Variants in AIG1 observed in about 807,000 individuals in gnomAD.
AIG1 encodes androgen induced 1.
AIG1 carries 23 observed loss-of-function variants against 31.4 expected under a neutral mutation model. The observed-to-expected ratio is 0.73, with a 90% confidence interval of 0.53 to 1.04. AIG1 has a LOEUF of 1.04. AIG1 is among the 50% of genes least tolerant of loss of function. The pLI, the probability that AIG1 is intolerant of heterozygous loss-of-function variation, is 0.00. For missense variants in AIG1, 274 were observed against 295.0 expected (o/e 0.93, Z 0.52); for synonymous variants, 100 against 110.5 (o/e 0.90, Z 0.60).
At chr6:143,233,316 G>A (rs1793580273) in intron 3 of AIG1, among the ~76,000 whole-genome samples, 1 of 151,988 alleles carries the variant, frequency 6.6e-6, no homozygotes, top group Non-Finnish European at 1.5e-5. Context: ...TTAAAACCAA[G>A]TCCTGAGATT....
intron 3 of AIG1, among the ~76,000 whole-genome samples, chr6:143,212,104 A>G (rs765608978): frequency 6.6e-6 from 1 of 152,118 alleles, no homozygotes; most frequent in Non-Finnish European, 1.5e-5. Context: ...TCTTCTTACC[A>G]GTAACAACCC....
At chr6:143,190,856 T>TG (rs1316297638) in intron 3 of AIG1, among the ~76,000 whole-genome samples, 1 of 152,214 alleles carries the variant, frequency 6.6e-6, no homozygotes, top group Non-Finnish European at 1.5e-5. Flanking sequence ...CTAGAGGTCT[T>TG]GACAATGCTT....
At position 143,284,018 on chromosome 6, in the gene AIG1, A is replaced by C; in HGVS notation, c.400-92A>C. 1 of 862,384 alleles carries C rather than the reference A, an allele frequency of 1.2e-6. No homozygotes were observed. The highest frequency in any genetic ancestry group is 1.8e-6 in the Non-Finnish European group (1 of 547,312). The allele number at this position is 862,384 out of a possible 1,614,324, so 53.4% of individuals were successfully genotyped here. ...TCTTTCTGCCTGACACTTTCCTAGG[A>C]ATTTATAGTGTGCATTCTCCTACTG... is the stretch of plus-strand genomic sequence containing the variant. On this transcript the variant is annotated intron_variant, in intron 3 of 5. Transcript: ENST00000357847. This position sits in a 1 kb window ranked among gnomAD's most constrained non-coding sequence, Gnocchi z 4.4.
chr6:143,093,703 A>G (rs1463770690), intron 1 of AIG1, among the ~76,000 whole-genome samples: 1 of 151,962 alleles, frequency 6.6e-6, no homozygotes, highest in East Asian at 1.9e-4. Context: ...GAGATGTGCA[A>G]CTCTTCTTTT....
In AIG1 at chr6:143,291,672, A is replaced by G. The variant is rs186750392; in HGVS notation, c.515+7447A>G. Among the ~76,000 whole-genome samples the G allele has an allele frequency of 2.9e-4, 44 of 152,304 alleles. No individual in the cohort carries two copies. In the East Asian group the frequency reaches 8.3e-3, roughly 29 times the overall value. ...AGTCCACGTCCTCCTCTTCTACTTC[A>G]GGGTCTTAGAGTGCATGGAATAAAT... is the stretch of plus-strand genomic sequence containing the variant. On this transcript the variant is annotated intron_variant, in intron 4 of 5. Transcript: ENST00000357847. This position sits in a 1 kb window ranked among gnomAD's most constrained non-coding sequence, Gnocchi z 4.2.
At position 143,291,627 on chromosome 6, in the gene AIG1, GA is replaced by G. The variant is rs774094598; in HGVS notation, c.515+7405del. ...TTCTTCCATTTCCCCCGCCAGAAAG[GA>G]AAGAGGCATCTCAGAACCAGTCCAC... On this transcript the variant is annotated intron_variant, in intron 4 of 5. Coordinates refer to ENST00000357847, the MANE Select transcript of AIG1 (RefSeq NM_016108.4). This position sits in a 1 kb window ranked among gnomAD's most constrained non-coding sequence, Gnocchi z 4.2. Among the ~76,000 whole-genome samples, 5 of 152,188 alleles carry G rather than the reference GA, an allele frequency of 3.3e-5. No homozygotes were observed. Among genetic ancestry groups the G allele is most frequent in the Non-Finnish European group, 7.3e-5 (5 of 68,032 alleles).
rs1413426568 is a variant in AIG1 at position 143,293,221 on chromosome 6, C to T, written c.515+8996C>T. On this transcript the variant is annotated intron_variant, in intron 4 of 5. Transcript: ENST00000357847. This position sits in a 1 kb window ranked among gnomAD's most constrained non-coding sequence, Gnocchi z 4.8. The stretch of plus-strand genomic sequence containing the variant: ...TTTTCTCTCTCTCTCTTCCCCGCCA[C>T]CCTTATTTTATTTTCATTTTATCCT... Among the ~76,000 whole-genome samples, 1 of 152,112 alleles carries T rather than the reference C, an allele frequency of 6.6e-6. No individual in the cohort carries two copies. Among genetic ancestry groups the T allele is most frequent in the Non-Finnish European group, 1.5e-5 (1 of 68,030 alleles).
intron 4 of AIG1, among the ~76,000 whole-genome samples, chr6:143,306,775 G>A (rs1320869484): frequency 6.6e-6 from 1 of 152,108 alleles, no homozygotes; most frequent in Non-Finnish European, 1.5e-5. Context: ...AAGTTCTCCT[G>A]GATAATATCC....
chr6:143,273,298 T>C (rs1796668039), intron 3 of AIG1, among the ~76,000 whole-genome samples: 1 of 152,228 alleles, frequency 6.6e-6, no homozygotes. Context: ...GGTTATTGTT[T>C]TTCAAGCTTC....
intron 1 of AIG1, among the ~76,000 whole-genome samples, chr6:143,119,423 T>A (rs1475758180): frequency 6.6e-6 from 1 of 152,162 alleles, no homozygotes; most frequent in African/African-American, 2.4e-5. Context: ...ACTTCTGAAT[T>A]GTGGGTAATA....
intron 2 of AIG1, among the ~76,000 whole-genome samples, chr6:143,147,520 A>G (rs1784814903): frequency 6.6e-6 from 1 of 151,890 alleles, no homozygotes. Context: ...AAGACTCCGC[A>G]CTCCCTTGGC....
intron 2 of AIG1, among the ~76,000 whole-genome samples, chr6:143,150,218 G>T (rs757362966): frequency 1.4e-4 from 21 of 152,208 alleles, no homozygotes; most frequent in Non-Finnish European, 1.9e-4. Context: ...AGCATCCTGA[G>T]CCCTATTGTT....
chr6:143,325,313 C>CAAG lies in AIG1; in HGVS notation c.516-7968_516-7967insAGA, dbSNP rs1247190632. Among the ~76,000 whole-genome samples, 1,224 of 152,280 alleles carry CAAG rather than the reference C, an allele frequency of 8.0e-3. 7 individuals are homozygous for CAAG. The highest frequency in any genetic ancestry group is 0.028 in the African/African-American group (1,176 of 41,534). On this transcript the variant is annotated intron_variant, in intron 4 of 5. Transcript: ENST00000357847. The surrounding 1 kb of genome is among the most constrained non-coding windows in gnomAD (Gnocchi z 4.3). ...GGCCCTTTCATGGGCCCACTTCCTT[C>CAAG]AGACCCTGTACTCTTCCTGGGTCTC...
At chr6:143,087,957 A>G (rs1032239779) in intron 1 of AIG1, among the ~76,000 whole-genome samples, 3 of 152,216 alleles carry the variant, frequency 2.0e-5, no homozygotes. Flanking sequence ...ATAAGTGACT[A>G]GCTGTCTTTG....
In AIG1 at chr6:143,136,816, G is replaced by A. The variant is rs536020296; in HGVS notation, c.142-19G>A. 33 of 1,355,860 alleles carry A rather than the reference G, an allele frequency of 2.4e-5. No homozygotes were observed. Among genetic ancestry groups the A allele is most frequent in the East Asian group, 1.9e-4 (7 of 36,886 alleles). The allele number at this position is 1,355,860 out of a possible 1,614,324, so 84.0% of individuals were successfully genotyped here. ...TCTCCAGATCTTAATGACTCATACCGGCTGTTGTCCCCCTACAGGTTATCC... is the reference window on the plus strand; with the variant it reads ...TCTCCAGATCTTAATGACTCATACCAGCTGTTGTCCCCCTACAGGTTATCC... On this transcript the variant is annotated intron_variant, in intron 1 of 5. Coordinates refer to ENST00000357847, the MANE Select transcript of AIG1 (RefSeq NM_016108.4).
At chr6:143,219,028 G>A (rs1792252186) in intron 3 of AIG1, among the ~76,000 whole-genome samples, 1 of 152,102 alleles carries the variant, frequency 6.6e-6, no homozygotes, top group Non-Finnish European at 1.5e-5. Flanking sequence ...TGTATTCGTT[G>A]TTCAAAATTA....
In AIG1 at chr6:143,330,413, G is replaced by T. The variant is rs1336503414; in HGVS notation, c.516-2869G>T. Among the ~76,000 whole-genome samples, 1 of 152,166 alleles carries T rather than the reference G, an allele frequency of 6.6e-6. No individual in the cohort carries two copies. The highest frequency in any genetic ancestry group is 1.5e-5 in the Non-Finnish European group (1 of 68,030). On this transcript the variant is annotated intron_variant, in intron 4 of 5. Coordinates refer to ENST00000357847, the MANE Select transcript of AIG1 (RefSeq NM_016108.4). The surrounding 1 kb of genome is among the most constrained non-coding windows in gnomAD (Gnocchi z 4.4). ...GGGAGCCCAAGGGGATGCTGTGGGG[G>T]TGGTGAGGAGTATTGTTCTGGGCAG...
intron 3 of AIG1, among the ~76,000 whole-genome samples, chr6:143,241,287 T>A (rs113755265): frequency 1.3e-5 from 2 of 152,148 alleles, no homozygotes; most frequent in African/African-American, 4.8e-5. Flanking sequence ...TCCAAACCCC[T>A]ATGTGAAAAC....
chr6:143,111,577 C>T (rs6570548), intron 1 of AIG1, among the ~76,000 whole-genome samples: 18,458 of 152,178 alleles, frequency 0.12, 3,443 homozygotes, highest in African/African-American at 0.4. Context: ...TCCTGACAAT[C>T]AGTCTTCTGA....
Sources: allele counts gnomAD v4.1 joint callset (sites outside exome capture counted in the v4.1 genomes callset), GRCh38; gene constraint gnomAD v4.1.1; non-coding constraint Gnocchi (gnomAD v3.1); transcripts MANE v1.5; gene names NCBI Gene and HGNC (gene_info 2026-07-23, HGNC 2026-07-21).